SUMF1: variants seen among roughly 807,000 people sequenced by gnomAD.
SUMF1 encodes the protein sulfatase modifying factor 1, also known as formylglycine-generating enzyme.
Under a neutral mutation model 47.6 loss-of-function variants are expected in SUMF1, and 48 were observed. That is an observed-to-expected ratio of 1.01 (90% confidence interval 0.80 to 1.28). SUMF1 has a LOEUF of 1.28. Among genes scored for constraint, SUMF1 ranks in the 50% most tolerant of loss-of-function variants. SUMF1 has a pLI of 0.00. For missense variants in SUMF1, 571 were observed against 485.4 expected (o/e 1.18, Z -1.66); for synonymous variants, 230 against 192.1 (o/e 1.20, Z -1.63).
chr3:4,300,368 C>G (rs924252677), intron 8 of SUMF1, among the ~76,000 whole-genome samples: 3 of 151,936 alleles, frequency 2.0e-5, no homozygotes, highest in Non-Finnish European at 4.4e-5. Context: ...CCAATTAAAC[C>G]TCTTTTCTTT....
chr3:4,307,448 C>T (rs191182281), intron 8 of SUMF1, among the ~76,000 whole-genome samples: 2 of 152,224 alleles, frequency 1.3e-5, no homozygotes, highest in East Asian at 1.9e-4. Flanking sequence ...ATTAGAGAGC[C>T]CTACAATCTG....
At chr3:4,049,302 A>T (rs1310583303) in intron 9 of SUMF1, among the ~76,000 whole-genome samples, 1 of 152,138 alleles carries the variant, frequency 6.6e-6, no homozygotes, top group Non-Finnish European at 1.5e-5. Flanking sequence ...CTTTTACTGG[A>T]GGTAATGCTG....
intron 8 of SUMF1, among the ~76,000 whole-genome samples, chr3:4,142,315 C>T (rs1247046273): frequency 6.6e-6 from 1 of 152,094 alleles, no homozygotes; most frequent in African/African-American, 2.4e-5. Flanking sequence ...ATCACATGTC[C>T]TACAGTTCCT....
chr3:4,449,214 C>T, intron 3 of SUMF1, 52 bp downstream of exon 3: 1 of 1,603,490 alleles, frequency 6.2e-7, no homozygotes, highest in Admixed American at 1.7e-5. Context: ...TCACCCAAAC[C>T]CTTTTCAATG....
At chr3:4,304,245 G>A (rs563748135) in intron 8 of SUMF1, among the ~76,000 whole-genome samples, 35 of 152,132 alleles carry the variant, frequency 2.3e-4, no homozygotes, top group Admixed American at 9.8e-4. Context: ...GGGTTCAAGC[G>A]ATTCTCCTGC....
chr3:4,465,739 C>CATG (rs562383793), intron 1 of SUMF1, among the ~76,000 whole-genome samples: 9 of 152,210 alleles, frequency 5.9e-5, no homozygotes, highest in Admixed American at 2.0e-4. Context: ...GAGACTAAAT[C>CATG]ATGGTCCTGA....
In SUMF1 at chr3:4,122,598, T is replaced by G. The variant is rs144181302; in HGVS notation, c.1015-53853A>C. On this transcript the variant is annotated intron_variant and NMD_transcript_variant, in intron 8 of 12. Coordinates refer to the SUMF1 transcript ENST00000448413. ...TGAAAAAAACTCATGTCCACTGATATGAGAAAACTGGACATAGGGATGAAG... is the reference window on the plus strand; with the variant it reads ...TGAAAAAAACTCATGTCCACTGATAGGAGAAAACTGGACATAGGGATGAAG... Among the ~76,000 whole-genome samples, 185 of 152,300 alleles carry G rather than the reference T, an allele frequency of 1.2e-3. 1 individual carries two copies. The highest frequency in any genetic ancestry group is 6.8e-3 in the Admixed American group (104 of 15,294).
intron 8 of SUMF1, among the ~76,000 whole-genome samples, chr3:4,268,464 C>T (rs1206614067): frequency 6.8e-6 from 1 of 147,298 alleles, no homozygotes; most frequent in Non-Finnish European, 1.5e-5. Flanking sequence ...TAAAACCCCG[C>T]AATTTGCTTT....
chr3:4,162,482 T>C (rs547825023), intron 8 of SUMF1, among the ~76,000 whole-genome samples: 1 of 152,260 alleles, frequency 6.6e-6, no homozygotes, highest in South Asian at 2.1e-4. Context: ...AAAACTCAAG[T>C]TCTGATTGCT....
intron 8 of SUMF1, among the ~76,000 whole-genome samples, chr3:4,353,806 T>A (rs1559239337): frequency 6.6e-6 from 1 of 152,156 alleles, no homozygotes; most frequent in Non-Finnish European, 1.5e-5. Flanking sequence ...GTGAGTTCTG[T>A]CTGCCACATC....
intron 8 of SUMF1, among the ~76,000 whole-genome samples, chr3:4,284,290 T>G (rs1697586036): frequency 1.3e-5 from 2 of 151,390 alleles, no homozygotes; most frequent in Admixed American, 1.3e-4. Context: ...CACGTGCCAG[T>G]AGTGCCAGCT....
At chr3:4,132,724 G>C (rs573449837) in intron 8 of SUMF1, among the ~76,000 whole-genome samples, 1 of 152,024 alleles carries the variant, frequency 6.6e-6, no homozygotes, top group Admixed American at 6.6e-5. Context: ...GGGCTCCTCC[G>C]ACCTTTAAGT....
intron 8 of SUMF1, among the ~76,000 whole-genome samples, chr3:4,109,437 C>T (rs556748938): frequency 2.6e-4 from 40 of 151,954 alleles, no homozygotes; most frequent in African/African-American, 8.0e-4. Flanking sequence ...ATCTTTGTGG[C>T]GTTCTCTGTA....
chr3:4,243,657 T>A (rs1696596041), intron 8 of SUMF1, among the ~76,000 whole-genome samples: 1 of 152,200 alleles, frequency 6.6e-6, no homozygotes, highest in South Asian at 2.1e-4. Context: ...TTCTTTTACA[T>A]TTGCTGAGGA....
intron 8 of SUMF1, among the ~76,000 whole-genome samples, chr3:4,350,894 C>G (rs1463746473): frequency 6.6e-6 from 1 of 151,986 alleles, no homozygotes; most frequent in Middle Eastern, 3.2e-3. Context: ...CCACACTACC[C>G]CTAAATAAAA....
intron 2 of SUMF1, among the ~76,000 whole-genome samples, chr3:4,449,633 A>G (rs1039985757): frequency 6.6e-6 from 1 of 152,254 alleles, no homozygotes; most frequent in Non-Finnish European, 1.5e-5. Context: ...CATTTCCCCA[A>G]GTATCACAAA....
At chr3:4,348,388 T>C (rs1699416577) in intron 8 of SUMF1, among the ~76,000 whole-genome samples, 1 of 152,058 alleles carries the variant, frequency 6.6e-6, no homozygotes, top group South Asian at 2.1e-4. Flanking sequence ...TCTACAACCA[T>C]CTGATCTTTC....
intron 9 of SUMF1, among the ~76,000 whole-genome samples, chr3:4,058,120 T>C (rs1306832065): frequency 2.0e-5 from 3 of 152,154 alleles, no homozygotes; most frequent in South Asian, 2.1e-4. Context: ...AGAAAACTGA[T>C]GCATTGAAAG....
intron 8 of SUMF1, among the ~76,000 whole-genome samples, chr3:4,075,854 GA>G (rs1208310275): frequency 1.3e-5 from 2 of 152,054 alleles, no homozygotes; most frequent in African/African-American, 4.8e-5. Flanking sequence ...CAAACAAATG[GA>G]AAAACATTCC....
Sources: gnomAD v4.1 joint callset for allele counts (sites outside exome capture counted in the v4.1 genomes callset) on GRCh38, gnomAD v4.1.1 for gene constraint, MANE v1.5 for transcripts, NCBI Gene and HGNC (gene_info 2026-07-23, HGNC 2026-07-21) for gene names.